The following UQCRB variants were observed in gnomAD, a reference collection of about 807,000 sequenced individuals.
UQCRB encodes the protein ubiquinol-cytochrome c reductase binding protein.
UQCRB carries 12 observed loss-of-function variants against 19.8 expected under a neutral mutation model. That is an observed-to-expected ratio of 0.61 (90% CI 0.39 to 0.98). The LOEUF (loss-of-function observed/expected upper bound fraction) is 0.98, where lower values mean the gene tolerates loss of function less well. Ranked by LOEUF, UQCRB falls within the 50% of genes least tolerant of loss-of-function variation. The pLI, the probability that UQCRB is intolerant of heterozygous loss-of-function variation, is 0.00. For synonymous variants in UQCRB, 39 were observed against 42.9 expected (o/e 0.91, Z 0.35); for missense variants, 142 against 131.8 (o/e 1.08, Z -0.38).
In UQCRB at chr8:96,229,779, G is replaced by T. The variant is rs779416858; in HGVS notation, c.*1276C>A. The T allele has an allele frequency of 1.3e-5, 6 of 453,340 alleles. No individual in the cohort carries two copies. Among genetic ancestry groups the T allele is most frequent in the Non-Finnish European group, 2.6e-5 (6 of 226,640 alleles). 28.1% of individuals were successfully genotyped at this position (453,340 alleles called of 1,614,324 possible). A position where few individuals can be genotyped will look rare whatever the true frequency, so the allele number is the denominator to read the frequency against. ...GACCAGCGAAAGGAAAAAAAAAAGC[G>T]GGGGAGGGGGTTCCTAGAGAATTTA... On this transcript the variant is annotated 3_prime_UTR_variant, in exon 4 of 4. Coordinates refer to ENST00000287022, the MANE Select transcript of UQCRB (RefSeq NM_006294.5).
At position 96,226,459 on chromosome 8, in the gene UQCRB, T is replaced by C. The variant is rs1313672474; in HGVS notation, c.*4596A>G. ...TAGCTGAGGAAGCCAATCTTTAGACTAATGACTTGCCTAAATCATTGGCCT... is the reference window on the plus strand; with the variant it reads ...TAGCTGAGGAAGCCAATCTTTAGACCAATGACTTGCCTAAATCATTGGCCT... On this transcript the variant is annotated 3_prime_UTR_variant, in exon 4 of 4. Coordinates refer to ENST00000287022, the MANE Select transcript of UQCRB (RefSeq NM_006294.5). The C allele has an allele frequency of 1.2e-5, 2 of 172,082 alleles. No individual in the cohort carries two copies. Among genetic ancestry groups the C allele is most frequent in the East Asian group, 1.8e-4 (1 of 5,690 alleles). 10.7% of individuals were successfully genotyped at this position (172,082 alleles called of 1,614,324 possible).
At chr8:96,231,715 T>G (rs946282587) in intron 3 of UQCRB, 59 bp downstream of exon 3, 12 of 1,605,934 alleles carry the variant, frequency 7.5e-6, no homozygotes, top group Non-Finnish European at 1.0e-5. Context: ...CATGTTTCTC[T>G]TGTTTCTAAA....
chr8:96,227,451 G>C lies in UQCRB; in HGVS notation c.*3604C>G, dbSNP rs1488643954. On this transcript the variant is annotated 3_prime_UTR_variant, in exon 4 of 4. Coordinates refer to ENST00000287022, the MANE Select transcript of UQCRB (RefSeq NM_006294.5). The stretch of plus-strand genomic sequence containing the variant: ...AATTTCATGCCTTGTTCTAATAAAG[G>C]GATTTTCCTTGTTTTCCAAAGAGCA... 4.4e-6 allele frequency: 2 copies of C among 453,956 alleles called. No homozygotes were observed. The highest frequency in any genetic ancestry group is 3.1e-5 in the South Asian group (2 of 64,462). The allele number at this position is 453,956 out of a possible 1,614,324, so 28.1% of individuals were successfully genotyped here.
rs574156637 is a variant in UQCRB at position 96,231,230 on chromosome 8, G to A, written c.259-98C>T. 1.8e-4 allele frequency: 297 copies of A among 1,610,748 alleles called. No individual in the cohort carries two copies. In the African/African-American group the frequency reaches 3.0e-3, roughly 16 times the overall value. On this transcript the variant is annotated intron_variant, in intron 3 of 3. Coordinates refer to ENST00000287022, the MANE Select transcript of UQCRB (RefSeq NM_006294.5). ...TAACAAGAAAAAAGCAATTACTTTT[G>A]AATTTCCAATTTTAGAAAACATATT...
In UQCRB at chr8:96,226,265, G is replaced by T. The variant is rs564784773; in HGVS notation, c.*4790C>A. The T allele has an allele frequency of 1.3e-5, 2 of 152,492 alleles. No individual in the cohort carries two copies. The highest frequency in any genetic ancestry group is 4.1e-4 in the South Asian group (2 of 4,830). The allele number at this position is 152,492 out of a possible 1,614,324, so 9.4% of individuals were successfully genotyped here. A position where few individuals can be genotyped will look rare whatever the true frequency, so the allele number is the denominator to read the frequency against. ...GGGCATTATAATAGCCATGCCAGAA[G>T]GTTGCAGGGAGGATTAAAAGAGACA... On this transcript the variant is annotated 3_prime_UTR_variant, in exon 4 of 4. Coordinates refer to ENST00000287022, the MANE Select transcript of UQCRB (RefSeq NM_006294.5).
In UQCRB at chr8:96,228,504, AGAG is replaced by A. The variant is rs980137844; in HGVS notation, c.*2548_*2550del. On this transcript the variant is annotated 3_prime_UTR_variant, in exon 4 of 4. Transcript: ENST00000287022. Reference sequence around the variant, plus strand: ...AACAAGAGTGCCACATAGAAGGAAGAGAGGAGACCTTGGACCTTAGCTACTGGT... The same window carrying A: ...AACAAGAGTGCCACATAGAAGGAAGAGAGACCTTGGACCTTAGCTACTGGT... 4.4e-6 allele frequency: 2 copies of A among 454,000 alleles called. No homozygotes were observed. Among genetic ancestry groups the A allele is most frequent in the African/African-American group, 4.0e-5 (2 of 50,016 alleles). The allele number at this position is 454,000 out of a possible 1,614,324, so 28.1% of individuals were successfully genotyped here. A position where few individuals can be genotyped will look rare whatever the true frequency, so the allele number is the denominator to read the frequency against.
chr8:96,228,423 C>G lies in UQCRB; in HGVS notation c.*2632G>C, dbSNP rs1415386188. ...GCAGATCCAGTTCCACTCTTCTCAT[C>G]TCCAGCAGGTACTTCACTCAAGGAG... On this transcript the variant is annotated 3_prime_UTR_variant, in exon 4 of 4. Coordinates refer to ENST00000287022, the MANE Select transcript of UQCRB (RefSeq NM_006294.5). The G allele has an allele frequency of 2.2e-6, 1 of 454,096 alleles. No individual in the cohort carries two copies. Among genetic ancestry groups the G allele is most frequent in the African/African-American group, 2.0e-5 (1 of 50,118 alleles). The allele number at this position is 454,096 out of a possible 1,614,324, so 28.1% of individuals were successfully genotyped here.
Position 96,225,022 on chromosome 8 carries a change from T to C in UQCRB, c.*6033A>G, listed in dbSNP as rs1809503329. ...AAAATATCATTTCAGCAAATGTAAG[T>C]AAAAGGGGTACTATCTAAACATATA... On this transcript the variant is annotated 3_prime_UTR_variant, in exon 4 of 4. Transcript: ENST00000287022. 1.3e-5 allele frequency among the ~76,000 whole-genome samples: 2 copies of C among 151,952 alleles called. No homozygotes were observed. Among genetic ancestry groups the C allele is most frequent in the South Asian group, 4.1e-4 (2 of 4,828 alleles).
In UQCRB at chr8:96,229,384, C is replaced by A. The variant is rs1392026928; in HGVS notation, c.*1671G>T. The A allele has an allele frequency of 2.2e-6, 1 of 454,032 alleles. No homozygotes were observed. Among genetic ancestry groups the A allele is most frequent in the Non-Finnish European group, 4.4e-6 (1 of 226,766 alleles). 28.1% of individuals were successfully genotyped at this position (454,032 alleles called of 1,614,324 possible). A position where few individuals can be genotyped will look rare whatever the true frequency, so the allele number is the denominator to read the frequency against. On this transcript the variant is annotated 3_prime_UTR_variant, in exon 4 of 4. Coordinates refer to ENST00000287022, the MANE Select transcript of UQCRB (RefSeq NM_006294.5). ...AAGCATGGTTTCTAGGGTCAGAGCC[C>A]AGCCTCCCTCCACCCACCCGGCTCC... is the stretch of plus-strand genomic sequence containing the variant.
rs1586150759 is a variant in UQCRB at position 96,228,936 on chromosome 8, G to A, written c.*2119C>T. On this transcript the variant is annotated 3_prime_UTR_variant, in exon 4 of 4. Coordinates refer to ENST00000287022, the MANE Select transcript of UQCRB (RefSeq NM_006294.5). ...TCATGGTGATTTTCCACACAGGACGGCTTTTGATAATAGAAAGGCCCTCTC... is the reference window on the plus strand; with the variant it reads ...TCATGGTGATTTTCCACACAGGACGACTTTTGATAATAGAAAGGCCCTCTC... 2.2e-6 allele frequency: 1 copy of A among 453,946 alleles called. No individual in the cohort carries two copies. Among genetic ancestry groups the A allele is most frequent in the Non-Finnish European group, 4.4e-6 (1 of 226,788 alleles). The allele number at this position is 453,946 out of a possible 1,614,324, so 28.1% of individuals were successfully genotyped here. A position where few individuals can be genotyped will look rare whatever the true frequency, so the allele number is the denominator to read the frequency against.
In UQCRB at chr8:96,231,824, T is replaced by G. The variant is rs1426503277; in HGVS notation, c.208A>C (p.Asn70His). The part of the protein sequence containing the change: ...MFRIKRALDL[N>H]LKHQILPKEQ... ...TTAGGCAAGATCTGATGCTTCAAGT[T>G]CAGGTCCAGTGCCCTCTTAATGCGA... Residue 70 changes from asparagine (N) to histidine (H), a missense_variant, in exon 3 of 4, where the codon AAC becomes CAC. Coordinates refer to ENST00000287022, the MANE Select transcript of UQCRB (RefSeq NM_006294.5). 1 of 1,614,154 alleles carries G rather than the reference T, an allele frequency of 6.2e-7. No individual in the cohort carries two copies.
rs1367715803 is a variant in UQCRB, at chr8:96,229,500, C to T, written c.*1555G>A. The T allele has an allele frequency of 6.6e-6, 3 of 453,984 alleles. No homozygotes were observed. Among genetic ancestry groups the T allele is most frequent in the Non-Finnish European group, 1.3e-5 (3 of 226,802 alleles). 28.1% of individuals were successfully genotyped at this position (453,984 alleles called of 1,614,324 possible). A position where few individuals can be genotyped will look rare whatever the true frequency, so the allele number is the denominator to read the frequency against. Reference sequence around the variant, plus strand: ...GACGTCTGAACGAATAGACCAGAGTCCTGCAAACGTGATCTTGAAATCACT... The same window carrying T: ...GACGTCTGAACGAATAGACCAGAGTTCTGCAAACGTGATCTTGAAATCACT... On this transcript the variant is annotated 3_prime_UTR_variant, in exon 4 of 4. Coordinates refer to ENST00000287022, the MANE Select transcript of UQCRB (RefSeq NM_006294.5).
In UQCRB at chr8:96,229,280, TC is replaced by T. The variant is rs768191640; in HGVS notation, c.*1774del. 7.7e-5 allele frequency: 35 copies of T among 453,978 alleles called. No homozygotes were observed. Among genetic ancestry groups the T allele is most frequent in the South Asian group, 5.4e-4 (35 of 64,480 alleles). The allele number at this position is 453,978 out of a possible 1,614,324, so 28.1% of individuals were successfully genotyped here. On this transcript the variant is annotated 3_prime_UTR_variant, in exon 4 of 4. Transcript: ENST00000287022. Reference sequence around the variant, plus strand: ...ATAGCCTGGGGGTTCCTGTTATACCTCAGTCTTGGTCAGTTCTATTTGTTCC... The same window carrying T: ...ATAGCCTGGGGGTTCCTGTTATACCTAGTCTTGGTCAGTTCTATTTGTTCC...
rs540795518 is a variant in UQCRB at position 96,225,997 on chromosome 8, G to A, written c.*5058C>T. ...GTTGTTACAGTTGGAGGCAGGAGGC[G>A]CTACTGGTACCTATCGTGTAGAAGC... On this transcript the variant is annotated 3_prime_UTR_variant, in exon 4 of 4. Transcript: ENST00000287022. 3 of 152,110 alleles carry A rather than the reference G, an allele frequency of 2.0e-5. No individual in the cohort carries two copies. The highest frequency in any genetic ancestry group is 4.4e-5 in the Non-Finnish European group (3 of 68,028). The allele number at this position is 152,110 out of a possible 1,614,324, so 9.4% of individuals were successfully genotyped here.
chr8:96,228,216 G>A lies in UQCRB; in HGVS notation c.*2839C>T, dbSNP rs979804428. ...AAACAAACATAACTTTCTTCAAGAT[G>A]TAGGAAAACTGTATATTCAAAACCA... On this transcript the variant is annotated 3_prime_UTR_variant, in exon 4 of 4. Coordinates refer to ENST00000287022, the MANE Select transcript of UQCRB (RefSeq NM_006294.5). 1 of 454,110 alleles carries A rather than the reference G, an allele frequency of 2.2e-6. No individual in the cohort carries two copies. Among genetic ancestry groups the A allele is most frequent in the Non-Finnish European group, 4.4e-6 (1 of 226,776 alleles). 28.1% of individuals were successfully genotyped at this position (454,110 alleles called of 1,614,324 possible). A position where few individuals can be genotyped will look rare whatever the true frequency, so the allele number is the denominator to read the frequency against.
In UQCRB at chr8:96,229,848, T is replaced by C. The variant is rs1408421095; in HGVS notation, c.*1207A>G. ...AAAAATTTAAAGATGCTCTTTATGA[T>C]ACACACATTTCTCATTGCTTTACAA... On this transcript the variant is annotated 3_prime_UTR_variant, in exon 4 of 4. Transcript: ENST00000287022. 1 of 454,008 alleles carries C rather than the reference T, an allele frequency of 2.2e-6. No homozygotes were observed. Among genetic ancestry groups the C allele is most frequent in the Admixed American group, 2.3e-5 (1 of 42,562 alleles). The allele number at this position is 454,008 out of a possible 1,614,324, so 28.1% of individuals were successfully genotyped here. A position where few individuals can be genotyped will look rare whatever the true frequency, so the allele number is the denominator to read the frequency against.
At chr8:96,234,549 T>C (rs1809755351) in intron 1 of UQCRB, 2 of 1,272,710 alleles carry the variant, frequency 1.6e-6, no homozygotes, top group South Asian at 1.2e-5. Flanking sequence ...GCCAAATTAA[T>C]AAAATAATTA....
chr8:96,228,258 A>T lies in UQCRB; in HGVS notation c.*2797T>A, dbSNP rs539464224. 2.9e-5 allele frequency: 13 copies of T among 454,140 alleles called. No individual in the cohort carries two copies. Among genetic ancestry groups the T allele is most frequent in the African/African-American group, 2.2e-4 (11 of 50,138 alleles). 28.1% of individuals were successfully genotyped at this position (454,140 alleles called of 1,614,324 possible). On this transcript the variant is annotated 3_prime_UTR_variant, in exon 4 of 4. Coordinates refer to ENST00000287022, the MANE Select transcript of UQCRB (RefSeq NM_006294.5). ...TCAAAACCAATCTCAAACTTTAAAC[A>T]ACAAAAGATATCAAACATTTTAAAC...
rs1809472567 is a variant in UQCRB, at chr8:96,223,070, A to C, written c.*7985T>G. Among the ~76,000 whole-genome samples the C allele has an allele frequency of 1.3e-5, 2 of 152,176 alleles. No individual in the cohort carries two copies. Among genetic ancestry groups the C allele is most frequent in the South Asian group, 4.1e-4 (2 of 4,822 alleles). On this transcript the variant is annotated 3_prime_UTR_variant, in exon 4 of 4. Transcript: ENST00000287022. ...GGGAGAGGTAGGTCAAAGGATACAC[A>C]AACTTGCAATTATACAAGATGAACA... is the stretch of plus-strand genomic sequence containing the variant.
Sources: allele counts gnomAD v4.1 joint callset (sites outside exome capture counted in the v4.1 genomes callset), GRCh38; gene constraint gnomAD v4.1.1; transcripts MANE v1.5; gene names NCBI Gene and HGNC (gene_info 2026-07-23, HGNC 2026-07-21).